DPP10: variants seen among roughly 807,000 people sequenced by gnomAD.
DPP10 encodes the protein dipeptidyl peptidase like 10.
In DPP10, 33 loss-of-function variants were observed where a neutral mutation model predicts 120.9. That is an observed-to-expected ratio of 0.27 (90% confidence interval 0.21 to 0.37). The LOEUF (loss-of-function observed/expected upper bound fraction) is 0.37. DPP10 is among the 10% of genes least tolerant of loss of function. The probability of loss-of-function intolerance (pLI) is 1.00; values close to 1 mark genes in which losing one functional copy is unlikely to be tolerated. For synonymous variants in DPP10, 337 were observed against 326.1 expected (o/e 1.03, Z -0.36); for missense variants, 816 against 942.8 (o/e 0.87, Z 1.76).
intron 1 of DPP10, among the ~76,000 whole-genome samples, chr2:114,885,357 A>C (rs1009970171): frequency 3.3e-5 from 5 of 152,102 alleles, no homozygotes; most frequent in Non-Finnish European, 7.4e-5. Context: ...ATGCTAAACC[A>C]TTTATAAGAA....
At chr2:115,119,371 A>G (rs2049704676) in intron 1 of DPP10, among the ~76,000 whole-genome samples, 1 of 152,022 alleles carries the variant, frequency 6.6e-6, no homozygotes, top group Non-Finnish European at 1.5e-5. Context: ...CTATTGGGAG[A>G]CTGGTGTTGG....
chr2:115,185,306 G>A (rs1269640435), intron 1 of DPP10, among the ~76,000 whole-genome samples: 5 of 150,368 alleles, frequency 3.3e-5, no homozygotes, highest in East Asian at 2.0e-4. Context: ...CCTGTGACTC[G>A]CTCTAAAAAT....
intron 1 of DPP10, among the ~76,000 whole-genome samples, chr2:115,007,056 T>G (rs1291360172): frequency 6.6e-6 from 1 of 152,070 alleles, no homozygotes; most frequent in African/African-American, 2.4e-5. Context: ...AACTCAGGAT[T>G]AAGAATCTCA....
chr2:115,606,581 A>G (rs1160804768), intron 5 of DPP10, among the ~76,000 whole-genome samples: 1 of 152,182 alleles, frequency 6.6e-6, no homozygotes, highest in African/African-American at 2.4e-5. Flanking sequence ...GGACTCTCAA[A>G]TTCTCTGCAA....
intron 1 of DPP10, among the ~76,000 whole-genome samples, chr2:114,735,780 A>T (rs558797305): frequency 1.3e-5 from 2 of 152,050 alleles, no homozygotes; most frequent in African/African-American, 4.8e-5. Flanking sequence ...GCAGTTTGTT[A>T]ATTATTTTTT....
At chr2:115,656,943 T>C (rs2088413736) in intron 5 of DPP10, among the ~76,000 whole-genome samples, 1 of 151,662 alleles carries the variant, frequency 6.6e-6, no homozygotes, top group Non-Finnish European at 1.5e-5. Context: ...TTTCAATGGG[T>C]ATAAAGTTTC....
chr2:114,816,014 T>C (rs1685614562), intron 1 of DPP10, among the ~76,000 whole-genome samples: 1 of 151,930 alleles, frequency 6.6e-6, no homozygotes, highest in Non-Finnish European at 1.5e-5. Flanking sequence ...ATCCCAACAG[T>C]AAATATAGAT....
rs547764589 is a variant in DPP10, at chr2:115,778,888, T to C, written c.1361+1054T>C. ...AATTCTGACTTCCAGGAAGCAAAGC[T>C]ATTCATATAGAGATAGTGATTTGAA... is the stretch of plus-strand genomic sequence containing the variant. On this transcript the variant is annotated intron_variant, in intron 15 of 25. Coordinates refer to ENST00000410059, the MANE Select transcript of DPP10 (RefSeq NM_020868.6). Among the ~76,000 whole-genome samples the C allele has an allele frequency of 2.6e-5, 4 of 152,248 alleles. No individual in the cohort carries two copies. In the South Asian group the frequency reaches 8.3e-4, roughly 32 times the overall value.
At chr2:114,496,747 G>A (rs1247284760) in intron 1 of DPP10, among the ~76,000 whole-genome samples, 4 of 151,916 alleles carry the variant, frequency 2.6e-5, no homozygotes, top group Admixed American at 2.6e-4. Context: ...TATCTATGAG[G>A]GGTCACAATG....
chr2:114,484,020 G>T (rs986049414), intron 1 of DPP10, among the ~76,000 whole-genome samples: 3 of 152,086 alleles, frequency 2.0e-5, no homozygotes, highest in African/African-American at 7.2e-5. Context: ...AGCCCTTTGT[G>T]TCACTCTGAG....
intron 1 of DPP10, among the ~76,000 whole-genome samples, chr2:114,878,592 A>G (rs947057292): frequency 3.9e-5 from 6 of 152,002 alleles, no homozygotes; most frequent in African/African-American, 1.4e-4. Context: ...AGCCCTTCAC[A>G]CACTTTCTAG....
chr2:114,497,449 G>A (rs1295876975), intron 1 of DPP10, among the ~76,000 whole-genome samples: 7 of 149,504 alleles, frequency 4.7e-5, no homozygotes, highest in African/African-American at 1.7e-4. Context: ...ATATATAGAT[G>A]CATCTATTTT....
intron 1 of DPP10, among the ~76,000 whole-genome samples, chr2:114,613,458 A>G (rs1573792485): frequency 1.3e-5 from 2 of 152,170 alleles, no homozygotes; most frequent in South Asian, 4.1e-4. Context: ...TAAAAAGTCA[A>G]GAAACAACAG....
intron 21 of DPP10, among the ~76,000 whole-genome samples, chr2:115,829,579 A>G (rs992536630): frequency 4.6e-5 from 7 of 152,168 alleles, no homozygotes; most frequent in African/African-American, 1.2e-4. Context: ...AACAGTTATA[A>G]TAATTTAAGA....
chr2:115,387,772 G>C (rs1027373424), intron 3 of DPP10, among the ~76,000 whole-genome samples: 1 of 152,128 alleles, frequency 6.6e-6, no homozygotes, highest in Admixed American at 6.6e-5. Flanking sequence ...CAAGCCCTGG[G>C]TCAGTGGCTA....
At chr2:115,265,670 T>C (rs1285065072) in intron 1 of DPP10, among the ~76,000 whole-genome samples, 2 of 152,148 alleles carry the variant, frequency 1.3e-5, no homozygotes. Flanking sequence ...AATAGCACTT[T>C]AAGATTTTAG....
intron 1 of DPP10, among the ~76,000 whole-genome samples, chr2:114,621,511 C>T (rs1694088041): frequency 6.6e-6 from 1 of 151,970 alleles, no homozygotes; most frequent in African/African-American, 2.4e-5. Context: ...CAGGTCATTC[C>T]CCAAAGTCTA....
At chr2:114,573,519 A>G (rs1345329434) in intron 1 of DPP10, among the ~76,000 whole-genome samples, 1 of 152,198 alleles carries the variant, frequency 6.6e-6, no homozygotes, top group Non-Finnish European at 1.5e-5. Flanking sequence ...CAAGGAAAAG[A>G]GAAAGATATG....
intron 1 of DPP10, among the ~76,000 whole-genome samples, chr2:114,989,255 G>A (rs549216584): frequency 6.6e-6 from 1 of 152,132 alleles, no homozygotes; most frequent in South Asian, 2.1e-4. Flanking sequence ...TGTCATCAGG[G>A]GTCTATGCAA....
Sources: allele counts gnomAD v4.1 joint callset (sites outside exome capture counted in the v4.1 genomes callset), GRCh38; gene constraint gnomAD v4.1.1; transcripts MANE v1.5; gene names NCBI Gene and HGNC (gene_info 2026-07-23, HGNC 2026-07-21).